The following SUPT3H variants were observed in gnomAD, a reference collection of about 807,000 sequenced individuals.
SUPT3H encodes the protein SPT3 homolog, SAGA and STAGA complex component, also known as transcription initiation protein SPT3 homolog.
Under a neutral mutation model 44.3 loss-of-function variants are expected in SUPT3H, and 44 were observed. The ratio of observed to expected loss-of-function variants is 0.99; its 90% CI spans 0.78 to 1.28. SUPT3H has a LOEUF of 1.28. Among genes scored for constraint, SUPT3H ranks in the 50% most tolerant of loss-of-function variants. The probability of loss-of-function intolerance (pLI) is 0.00; values close to 1 mark genes in which losing one functional copy is unlikely to be tolerated. For synonymous variants in SUPT3H, 124 were observed against 125.6 expected, an observed-to-expected ratio of 0.99 and a Z score of 0.09; for missense variants, 380 against 387.1, an observed-to-expected ratio of 0.98 and a Z score of 0.15.
At chr6:45,063,216 G>A (rs768014379) in intron 3 of SUPT3H, among the ~76,000 whole-genome samples, 4 of 143,144 alleles carry the variant, frequency 2.8e-5, no homozygotes, top group African/African-American at 1.1e-4. Flanking sequence ...CACCTCACAC[G>A]GCAGGGTATT....
At chr6:44,870,423 T>A (rs888964760) in intron 10 of SUPT3H, among the ~76,000 whole-genome samples, 2 of 151,502 alleles carry the variant, frequency 1.3e-5, no homozygotes, top group Non-Finnish European at 2.9e-5. Context: ...ACGGTGAAAC[T>A]CCATCTCTAC....
intron 3 of SUPT3H, among the ~76,000 whole-genome samples, chr6:45,065,729 C>G (rs1211218012): frequency 2.0e-5 from 3 of 151,390 alleles, no homozygotes; most frequent in Admixed American, 6.6e-5. Flanking sequence ...ATAAATTCCT[C>G]AACACATACA....
At chr6:45,106,218 G>A (rs1258336984) in intron 2 of SUPT3H, among the ~76,000 whole-genome samples, 1 of 152,152 alleles carries the variant, frequency 6.6e-6, no homozygotes, top group Admixed American at 6.5e-5. Context: ...GATCACTTGA[G>A]CCCAAGAGTT....
chr6:45,176,449 T>C (rs1192176981), intron 2 of SUPT3H, among the ~76,000 whole-genome samples: 4 of 152,136 alleles, frequency 2.6e-5, no homozygotes, highest in Admixed American at 2.6e-4. Context: ...CCCTGATTGC[T>C]AGCACAGCAG....
At chr6:45,098,813 G>A in intron 3 of SUPT3H, 1 of 540,200 alleles carries the variant, frequency 1.9e-6, no homozygotes, top group South Asian at 1.4e-5. Flanking sequence ...AGAGAGCAGT[G>A]TGCTTTCATC....
chr6:45,211,726 G>A (rs1192872829), intron 2 of SUPT3H, among the ~76,000 whole-genome samples: 1 of 152,112 alleles, frequency 6.6e-6, no homozygotes, highest in Non-Finnish European at 1.5e-5. Context: ...GCATGTGCCT[G>A]TAATCCCAGC....
At chr6:45,062,700 G>T (rs74965567) in intron 3 of SUPT3H, among the ~76,000 whole-genome samples, 1 of 152,114 alleles carries the variant, frequency 6.6e-6, no homozygotes, top group African/African-American at 2.4e-5. Flanking sequence ...AAGGGGTGAC[G>T]GACGCACCTG....
intron 2 of SUPT3H, among the ~76,000 whole-genome samples, chr6:45,115,656 C>T (rs1800738000): frequency 1.3e-5 from 2 of 152,056 alleles, no homozygotes; most frequent in African/African-American, 4.8e-5. Flanking sequence ...AAATAAAATG[C>T]AACCTAAGAT....
At chr6:45,308,754 T>A (rs200197047) in intron 2 of SUPT3H, among the ~76,000 whole-genome samples, 41 of 7,294 alleles carry the variant, frequency 5.6e-3, no homozygotes, top group African/African-American at 0.037. Context: ...AAAAAATAAA[T>A]TTAAAAAAAA....
intron 3 of SUPT3H, among the ~76,000 whole-genome samples, chr6:45,033,512 C>T (rs1193715982): frequency 6.6e-6 from 1 of 152,110 alleles, no homozygotes; most frequent in East Asian, 1.9e-4. Context: ...CTTCACCTCA[C>T]AGGGCTTACA....
chr6:44,821,281 T>C lies in SUPT3H; in HGVS notation c.*52+8483A>G, dbSNP rs555639390. 5.9e-5 allele frequency among the ~76,000 whole-genome samples: 9 copies of C among 152,338 alleles called. No homozygotes were observed. In the South Asian group the frequency reaches 1.9e-3, roughly 32 times the overall value. On this transcript the variant is annotated intron_variant and NMD_transcript_variant, in intron 11 of 11. Coordinates refer to the SUPT3H transcript ENST00000475057. ...GCACAGCTAACATCCATCTACTTCG[T>C]TGAGACCCATTTAGCTTCCATTGAA...
chr6:44,836,307 A>C (rs1453681946), intron 10 of SUPT3H, among the ~76,000 whole-genome samples: 1 of 152,208 alleles, frequency 6.6e-6, no homozygotes, highest in Non-Finnish European at 1.5e-5. Flanking sequence ...ATAGCACTGT[A>C]TAACATGCAA....
At chr6:45,229,704 T>C (rs1278408503) in intron 2 of SUPT3H, among the ~76,000 whole-genome samples, 1 of 152,200 alleles carries the variant, frequency 6.6e-6, no homozygotes, top group Non-Finnish European at 1.5e-5. Flanking sequence ...CTCTCTTTTA[T>C]TAATACATAA....
chr6:45,321,926 T>C, intron 2 of SUPT3H: 3 of 1,168,188 alleles, frequency 2.6e-6, no homozygotes, highest in Non-Finnish European at 3.7e-6. Flanking sequence ...CTTAGATGGT[T>C]AAAACATATT....
intron 2 of SUPT3H, chr6:45,158,921 A>C (rs1301130507): frequency 1.3e-5 from 2 of 152,248 alleles, no homozygotes; most frequent in Non-Finnish European, 2.9e-5. Flanking sequence ...GATCAAAAAA[A>C]TCAGAGCAAA....
chr6:45,104,803 T>C, intron 3 of SUPT3H, among the ~76,000 whole-genome samples: 1 of 151,968 alleles, frequency 6.6e-6, no homozygotes, highest in East Asian at 1.9e-4. Flanking sequence ...AATGTAGATA[T>C]CCCCATTCAT....
At chr6:45,327,514 T>C (rs555464985) in intron 2 of SUPT3H, among the ~76,000 whole-genome samples, 1 of 152,052 alleles carries the variant, frequency 6.6e-6, no homozygotes, top group Admixed American at 6.6e-5. Flanking sequence ...ACAATCCCTG[T>C]CATTCATTTT....
intron 2 of SUPT3H, among the ~76,000 whole-genome samples, chr6:45,215,556 C>A (rs1346309415): frequency 6.6e-6 from 1 of 151,432 alleles, no homozygotes; most frequent in Admixed American, 6.6e-5. Flanking sequence ...AAATGTAGTA[C>A]AATTGAGAGC....
intron 2 of SUPT3H, among the ~76,000 whole-genome samples, chr6:45,176,099 G>T (rs952775657): frequency 1.3e-5 from 2 of 152,136 alleles, no homozygotes; most frequent in Admixed American, 1.3e-4. Context: ...GAACAGCTCT[G>T]GTCTACAGCT....
Sources: gnomAD v4.1 joint callset for allele counts (sites outside exome capture counted in the v4.1 genomes callset) on GRCh38, gnomAD v4.1.1 for gene constraint, MANE v1.5 for transcripts, NCBI Gene and HGNC (gene_info 2026-07-23, HGNC 2026-07-21) for gene names.